Variants in TRABD2B observed in about 807,000 individuals in gnomAD.
The protein encoded by TRABD2B is metalloprotease TIKI2.
In TRABD2B, 14 loss-of-function variants were observed where a neutral mutation model predicts 40.1. The observed-to-expected ratio is 0.35, with a 90% CI of 0.23 to 0.55. TRABD2B has a LOEUF of 0.55. Among genes scored for constraint, TRABD2B ranks in the 20% least tolerant of loss-of-function variants. The pLI, the probability that TRABD2B is intolerant of heterozygous loss-of-function variation, is 0.90. For missense variants in TRABD2B, 541 were observed against 648.6 expected, an observed-to-expected ratio of 0.83 and a Z score of 1.80; for synonymous variants, 263 against 277.0, an observed-to-expected ratio of 0.95 and a Z score of 0.50.
At chr1:47,988,487 A>G (rs1030869186) in intron 2 of TRABD2B, among the ~76,000 whole-genome samples, 3 of 152,300 alleles carry the variant, frequency 2.0e-5, no homozygotes, top group Middle Eastern at 3.4e-3. Context: ...AAGAGTCACA[A>G]TGAAGGAGAG....
chr1:47,932,445 G>A lies in TRABD2B; in HGVS notation c.666+61589C>T, dbSNP rs1382012961. Among the ~76,000 whole-genome samples, 7 of 152,302 alleles carry A rather than the reference G, an allele frequency of 4.6e-5. 1 individual carries two copies. Among genetic ancestry groups the A allele is most frequent in the Middle Eastern group, 6.8e-3 (2 of 294 alleles). Reference sequence around the variant, plus strand: ...GAGGACAGACGTCCGTGGAGGAGCTGAGTTATAATGGGAAACTGAGAAATA... The same window carrying A: ...GAGGACAGACGTCCGTGGAGGAGCTAAGTTATAATGGGAAACTGAGAAATA... On this transcript the variant is annotated intron_variant, in intron 2 of 6. Coordinates refer to ENST00000606738, the MANE Select transcript of TRABD2B (RefSeq NM_001194986.2).
chr1:47,842,590 G>A lies in TRABD2B; in HGVS notation c.667-40971C>T, dbSNP rs538804115. ...GCATGCTCTATAACACAACAAGTAC[G>A]CAGCCAGGACTAGATTCAGTCCCCA... On this transcript the variant is annotated intron_variant, in intron 2 of 6. Transcript: ENST00000606738. Among the ~76,000 whole-genome samples, 4 of 152,262 alleles carry A rather than the reference G, an allele frequency of 2.6e-5. No homozygotes were observed. In the East Asian group the frequency reaches 7.7e-4, roughly 29 times the overall value.
chr1:47,765,768 A>G lies in TRABD2B; in HGVS notation c.*134T>C, dbSNP rs747882559. On this transcript the variant is annotated 3_prime_UTR_variant, in exon 7 of 7. Transcript: ENST00000606738. Reference sequence around the variant, plus strand: ...TGTAACTTGGGTACAGTAAAGCTCTAGAGTGTCTAGCCAATCCCATGTGGA... The same window carrying G: ...TGTAACTTGGGTACAGTAAAGCTCTGGAGTGTCTAGCCAATCCCATGTGGA... The G allele has an allele frequency of 8.6e-6, 6 of 695,776 alleles. No homozygotes were observed. Among genetic ancestry groups the G allele is most frequent in the Non-Finnish European group, 1.3e-5 (5 of 382,306 alleles). The allele number at this position is 695,776 out of a possible 1,614,324, so 43.1% of individuals were successfully genotyped here.
intron 4 of TRABD2B, among the ~76,000 whole-genome samples, chr1:47,780,633 G>A (rs975183546): frequency 6.6e-6 from 1 of 152,198 alleles, no homozygotes; most frequent in African/African-American, 2.4e-5. Context: ...CCTGGAGGGG[G>A]CACTGCTAGC....
At chr1:47,801,717 C>A (rs988063160) in intron 2 of TRABD2B, 98 bp from the exon 3 acceptor site, 253 of 1,397,310 alleles carry the variant, frequency 1.8e-4, no homozygotes, top group Admixed American at 2.6e-4. Context: ...GAGCAACAGG[C>A]CTGAAACAGA....
chr1:47,833,907 C>T (rs774854648), intron 2 of TRABD2B, among the ~76,000 whole-genome samples: 3 of 152,316 alleles, frequency 2.0e-5, no homozygotes, highest in Admixed American at 1.3e-4. Context: ...CAAAGGCTTG[C>T]GGGATTCCAG....
intron 2 of TRABD2B, among the ~76,000 whole-genome samples, chr1:47,834,167 T>G (rs1182848222): frequency 6.6e-6 from 1 of 152,220 alleles, no homozygotes; most frequent in Non-Finnish European, 1.5e-5. Context: ...CAATGCTGTC[T>G]GTATTTGATC....
chr1:47,892,348 A>G (rs1644459701), intron 2 of TRABD2B, among the ~76,000 whole-genome samples: 1 of 152,246 alleles, frequency 6.6e-6, no homozygotes, highest in East Asian at 1.9e-4. Flanking sequence ...AAGTCTGGTA[A>G]GAATCAGGAC....
At chr1:47,914,081 C>T (rs1029502527) in intron 2 of TRABD2B, among the ~76,000 whole-genome samples, 2 of 152,236 alleles carry the variant, frequency 1.3e-5, no homozygotes, top group African/African-American at 4.8e-5. Flanking sequence ...TCTTTGTAGA[C>T]TTCCAATGTT....
intron 2 of TRABD2B, among the ~76,000 whole-genome samples, chr1:47,960,898 T>G (rs1248227177): frequency 6.6e-6 from 1 of 152,038 alleles, no homozygotes; most frequent in Non-Finnish European, 1.5e-5. Context: ...GAGCCCGCAT[T>G]GCCAAGTCAA....
intron 2 of TRABD2B, 58 bp from the exon 3 acceptor site, chr1:47,801,677 T>G: frequency 1.3e-6 from 2 of 1,507,910 alleles, no homozygotes; most frequent in Non-Finnish European, 8.9e-7. Flanking sequence ...GGCTGAGCTC[T>G]AGGACTGACC....
rs1646107649 is a variant in TRABD2B, at chr1:47,997,260, A to T, written c.-471T>A. On this transcript the variant is annotated 5_prime_UTR_variant, in exon 1 of 7. Coordinates refer to ENST00000606738, the MANE Select transcript of TRABD2B (RefSeq NM_001194986.2). Reference sequence around the variant, plus strand: ...GGACAAGTGCGGCGGAAGGCGCGGCAGGGGTGGGGGGCGGCTCTGGGGCGA... The same window carrying T: ...GGACAAGTGCGGCGGAAGGCGCGGCTGGGGTGGGGGGCGGCTCTGGGGCGA... The T allele has an allele frequency of 5.2e-6, 5 of 969,662 alleles. No individual in the cohort carries two copies. The South Asian group carries it at 1.4e-4, about 28-fold the overall frequency. 60.1% of individuals were successfully genotyped at this position (969,662 alleles called of 1,614,324 possible).
At chr1:47,949,403 T>TTC (rs1232526122) in intron 2 of TRABD2B, among the ~76,000 whole-genome samples, 2 of 124,776 alleles carry the variant, frequency 1.6e-5, no homozygotes, top group Admixed American at 8.0e-5. Context: ...TTTTCTTTCT[T>TTC]TTTTTTTTTT....
chr1:47,828,825 G>A (rs1228910857), intron 2 of TRABD2B, among the ~76,000 whole-genome samples: 1 of 152,198 alleles, frequency 6.6e-6, no homozygotes, highest in East Asian at 1.9e-4. Flanking sequence ...AGACTCTCAC[G>A]TGACAGGTGC....
chr1:47,991,841 C>G (rs1482393761), intron 2 of TRABD2B, among the ~76,000 whole-genome samples: 1 of 152,158 alleles, frequency 6.6e-6, no homozygotes, highest in Non-Finnish European at 1.5e-5. Flanking sequence ...ATGTTCATAT[C>G]AAACTGTGCA....
At chr1:47,893,747 G>A (rs1192617279) in intron 2 of TRABD2B, among the ~76,000 whole-genome samples, 1 of 152,178 alleles carries the variant, frequency 6.6e-6, no homozygotes, top group Non-Finnish European at 1.5e-5. Context: ...GACTAAAAGA[G>A]AAGAGTTATG....
chr1:47,841,092 C>T (rs1223794953), intron 2 of TRABD2B, among the ~76,000 whole-genome samples: 1 of 152,138 alleles, frequency 6.6e-6, no homozygotes, highest in Non-Finnish European at 1.5e-5. Flanking sequence ...CTAAAATGGC[C>T]AGCAATAAAT....
chr1:47,774,872 G>A (rs1162015149), intron 6 of TRABD2B, among the ~76,000 whole-genome samples: 1 of 152,210 alleles, frequency 6.6e-6, no homozygotes, highest in Non-Finnish European at 1.5e-5. Flanking sequence ...ATGGCGCCCT[G>A]TTTGTACAGG....
intron 2 of TRABD2B, among the ~76,000 whole-genome samples, chr1:47,857,828 C>T (rs138489067): frequency 4.9e-4 from 75 of 152,206 alleles, no homozygotes; most frequent in African/African-American, 1.7e-3. Context: ...GGAGTAACTG[C>T]TAATAATGTC....
Sources: gnomAD v4.1 joint callset for allele counts (sites outside exome capture counted in the v4.1 genomes callset) on GRCh38, gnomAD v4.1.1 for gene constraint, MANE v1.5 for transcripts, NCBI Gene and HGNC (gene_info 2026-07-23, HGNC 2026-07-21) for gene names.